The following CACHD1 variants were observed in gnomAD, a reference collection of about 807,000 sequenced individuals.
The protein encoded by CACHD1 is VWFA and cache domain-containing protein 1.
Under a neutral mutation model 138.7 loss-of-function variants are expected in CACHD1, and 71 were observed. The observed-to-expected ratio is 0.51, with a 90% CI of 0.42 to 0.62. The LOEUF is 0.62. Among genes scored for constraint, CACHD1 ranks in the 20% least tolerant of loss-of-function variants. The pLI, the probability that CACHD1 is intolerant of heterozygous loss-of-function variation, is 0.00. For synonymous variants in CACHD1, 578 were observed against 591.5 expected (o/e 0.98, Z 0.33); for missense variants, 1,389 against 1,625.3 (o/e 0.85, Z 2.50).
At chr1:64,478,690 T>C (rs1439166440) in intron 1 of CACHD1, among the ~76,000 whole-genome samples, 2 of 152,130 alleles carry the variant, frequency 1.3e-5, no homozygotes, top group Non-Finnish European at 2.9e-5. Flanking sequence ...CGCTAAAATA[T>C]GGGATCTAGA....
At chr1:64,479,577 C>A (rs1358786576) in intron 1 of CACHD1, among the ~76,000 whole-genome samples, 1 of 152,082 alleles carries the variant, frequency 6.6e-6, no homozygotes, top group African/African-American at 2.4e-5. Context: ...AGAGGTCAAG[C>A]TGGGGGCTGT....
intron 1 of CACHD1, among the ~76,000 whole-genome samples, chr1:64,543,202 C>T (rs1179853982): frequency 6.6e-6 from 1 of 151,380 alleles, no homozygotes; most frequent in Non-Finnish European, 1.5e-5. Flanking sequence ...CTTTTCCATA[C>T]TCTTGGCAAA....
intron 1 of CACHD1, among the ~76,000 whole-genome samples, chr1:64,519,309 GT>G (rs1646480811): frequency 1.3e-5 from 2 of 152,154 alleles, no homozygotes; most frequent in African/African-American, 2.4e-5. Flanking sequence ...GCAGGTTGAG[GT>G]AGTGGAGCCT....
At chr1:64,520,762 TTA>T (rs1271090084) in intron 1 of CACHD1, among the ~76,000 whole-genome samples, 13 of 152,208 alleles carry the variant, frequency 8.5e-5, no homozygotes, top group African/African-American at 3.1e-4. Context: ...GGAAAACATA[TTA>T]GTTACCATTT....
intron 10 of CACHD1, among the ~76,000 whole-genome samples, chr1:64,653,174 A>C (rs1271694951): frequency 1.3e-5 from 2 of 152,144 alleles, no homozygotes; most frequent in African/African-American, 4.8e-5. Flanking sequence ...GTGGGAGCTA[A>C]ATGATGAGAA....
chr1:64,609,121 G>T (rs1050039730), intron 4 of CACHD1, among the ~76,000 whole-genome samples: 1 of 152,130 alleles, frequency 6.6e-6, no homozygotes, highest in Non-Finnish European at 1.5e-5. Flanking sequence ...GATTGTTGTG[G>T]CTTCATCATT....
intron 2 of CACHD1, among the ~76,000 whole-genome samples, chr1:64,558,675 G>A (rs907237742): frequency 6.6e-6 from 1 of 152,180 alleles, no homozygotes; most frequent in Admixed American, 6.5e-5. Context: ...AAGAGCCTCT[G>A]CACAGCGAAA....
At chr1:64,562,519 C>T (rs1175180115) in intron 2 of CACHD1, among the ~76,000 whole-genome samples, 1 of 151,454 alleles carries the variant, frequency 6.6e-6, no homozygotes, top group Non-Finnish European at 1.5e-5. Context: ...AAGCAATTTC[C>T]CTGCCTCAGC....
At chr1:64,644,528 G>T (rs139498835) in intron 8 of CACHD1, among the ~76,000 whole-genome samples, 2 of 152,266 alleles carry the variant, frequency 1.3e-5, no homozygotes, top group Non-Finnish European at 2.9e-5. Flanking sequence ...TCCTTCACTG[G>T]TCCTAAATTC....
chr1:64,556,865 T>A (rs1646802240), intron 2 of CACHD1, among the ~76,000 whole-genome samples: 1 of 152,196 alleles, frequency 6.6e-6, no homozygotes, highest in South Asian at 2.1e-4. Flanking sequence ...CTTCATTTTT[T>A]AATACTTTAA....
At chr1:64,619,447 G>T (rs772319509) in intron 4 of CACHD1, among the ~76,000 whole-genome samples, 4 of 152,178 alleles carry the variant, frequency 2.6e-5, no homozygotes, top group African/African-American at 9.7e-5. Flanking sequence ...GTCCTTACAC[G>T]GAGGGTGATG....
intron 1 of CACHD1, among the ~76,000 whole-genome samples, chr1:64,489,353 C>T (rs1341213672): frequency 6.6e-6 from 1 of 152,076 alleles, no homozygotes; most frequent in African/African-American, 2.4e-5. Context: ...AGTGAGTCCT[C>T]CAAACTAAAA....
chr1:64,671,515 C>G (rs1190279873), intron 16 of CACHD1, 49 bp from the exon 17 acceptor site: 3 of 1,599,340 alleles, frequency 1.9e-6, no homozygotes, highest in African/African-American at 2.7e-5. Flanking sequence ...TAGCTTTTAT[C>G]CTTAAATAAG....
chr1:64,484,557 T>C (rs895153523), intron 1 of CACHD1, among the ~76,000 whole-genome samples: 10 of 152,232 alleles, frequency 6.6e-5, no homozygotes, highest in Non-Finnish European at 1.3e-4. Flanking sequence ...TTTCATATTG[T>C]CGTGTAACCA....
chr1:64,628,965 A>G (rs985573272), intron 4 of CACHD1, among the ~76,000 whole-genome samples: 12 of 152,192 alleles, frequency 7.9e-5, no homozygotes, highest in African/African-American at 2.9e-4. Context: ...GATGAGGCCT[A>G]TTAACATCAG....
At chr1:64,555,126 C>T (rs1487091032) in intron 2 of CACHD1, among the ~76,000 whole-genome samples, 1 of 152,032 alleles carries the variant, frequency 6.6e-6, no homozygotes, top group African/African-American at 2.4e-5. Flanking sequence ...ATAGCTGGGA[C>T]CACAGGCAGG....
chr1:64,553,015 T>G (rs1228616872), intron 2 of CACHD1, among the ~76,000 whole-genome samples: 2 of 152,152 alleles, frequency 1.3e-5, no homozygotes, highest in Admixed American at 1.3e-4. Flanking sequence ...GAAGAACACT[T>G]AACAAATAGA....
intron 1 of CACHD1, among the ~76,000 whole-genome samples, chr1:64,519,154 T>A (rs1646479706): frequency 2.0e-5 from 3 of 152,178 alleles, no homozygotes; most frequent in African/African-American, 7.2e-5. Flanking sequence ...TGTTACCCAT[T>A]TGATAACAAA....
chr1:64,489,602 A>G (rs539510440), intron 1 of CACHD1, among the ~76,000 whole-genome samples: 1 of 152,310 alleles, frequency 6.6e-6, no homozygotes, highest in Admixed American at 6.5e-5. Context: ...TCTGAACCTC[A>G]GGTTTCTTAC....
Sources: gnomAD v4.1 joint callset for allele counts (sites outside exome capture counted in the v4.1 genomes callset) on GRCh38, gnomAD v4.1.1 for gene constraint, MANE v1.5 for transcripts, NCBI Gene and HGNC (gene_info 2026-07-23, HGNC 2026-07-21) for gene names.